SLCO1C1: variants seen among roughly 807,000 people sequenced by gnomAD.
SLCO1C1 encodes solute carrier organic anion transporter family member 1C1.
In SLCO1C1, 70 loss-of-function variants were observed where a neutral mutation model predicts 76.4. That is an observed-to-expected ratio of 0.92 (90% CI 0.76 to 1.12). The LOEUF is 1.12. Ranked by LOEUF, SLCO1C1 falls within the 50% of genes most tolerant of loss-of-function variation. SLCO1C1 has a pLI of 0.00. For synonymous variants in SLCO1C1, 306 were observed against 286.1 expected (o/e 1.07, Z -0.70); for missense variants, 912 against 823.8 (o/e 1.11, Z -1.31).
At position 20,737,211 on chromosome 12, in the gene SLCO1C1, T is replaced by C; in HGVS notation, c.1487T>C (p.Ile496Thr). The C allele has an allele frequency of 6.4e-7, 1 of 1,572,452 alleles. No homozygotes were observed. Among genetic ancestry groups the C allele is most frequent in the Non-Finnish European group, 8.6e-7 (1 of 1,166,098 alleles). ...GAACCCATGTGCGGTGAAAATGGAA[T>C]CACATATGTATCAGCTTGTCTTGCT... is the stretch of plus-strand genomic sequence containing the variant. Reference protein sequence around the residue: ...KWEPMCGENGITYVSACLAGC... With the variant: ...KWEPMCGENGTTYVSACLAGC... The change falls in exon 11 of 15, where the codon ATC becomes ACC. Residue 496 changes from isoleucine (I) to threonine (T), a missense_variant. Ile to Thr is a moderately conservative substitution (Grantham distance 89, BLOSUM62 -1). Transcript: ENST00000266509.
At chr12:20,717,682 T>A in intron 7 of SLCO1C1, among the ~76,000 whole-genome samples, 1 of 122,520 alleles carries the variant, frequency 8.2e-6, no homozygotes, top group African/African-American at 3.5e-5. Context: ...TTTTTTTTTT[T>A]TTTTTTTTTT....
rs753074294 is a variant in SLCO1C1 at position 20,743,307 on chromosome 12, G to A, written c.1736G>A (p.Cys579Tyr). 2 of 1,612,230 alleles carry A rather than the reference G, an allele frequency of 1.2e-6. No homozygotes were observed. The highest frequency in any genetic ancestry group is 2.2e-5 in the South Asian group (2 of 90,956). The change falls in exon 13 of 15, where the codon TGC becomes TAC. Residue 579 changes from cysteine (C) to tyrosine (Y), a missense_variant and splice_region_variant. By Grantham distance (194) the Cys-to-Tyr change is radical (BLOSUM62 -2). Coordinates refer to ENST00000266509, the MANE Select transcript of SLCO1C1 (RefSeq NM_017435.5). ...AATGGTGCTTTTGTTGATTTTAGGT[G>A]CATTAAGCCACAGCTTAAGTCTTTT... The part of the protein sequence containing the change: ...GIPGYILLLR[C>Y]IKPQLKSFAL...
chr12:20,743,728 A>G (rs561933483), intron 13 of SLCO1C1, among the ~76,000 whole-genome samples: 932 of 54,296 alleles, frequency 0.017, 9 homozygotes, highest in African/African-American at 0.028. Context: ...AAGCCTAAAT[A>G]TATTTTTTTT....
At chr12:20,729,000 G>A (rs1773503260) in intron 9 of SLCO1C1, among the ~76,000 whole-genome samples, 2 of 152,118 alleles carry the variant, frequency 1.3e-5, no homozygotes, top group African/African-American at 2.4e-5. Flanking sequence ...AATTTTAGAC[G>A]CTAGTGTAAA....
At chr12:20,713,543 C>T (rs779786504) in intron 5 of SLCO1C1, among the ~76,000 whole-genome samples, 1 of 152,074 alleles carries the variant, frequency 6.6e-6, no homozygotes, top group African/African-American at 2.4e-5. Flanking sequence ...CAATTATTTC[C>T]CTTCCTTCAG....
chr12:20,705,885 C>T, intron 3 of SLCO1C1, 64 bp from the exon 4 acceptor site: 1 of 1,511,858 alleles, frequency 6.6e-7, no homozygotes, highest in Non-Finnish European at 9.1e-7. Flanking sequence ...TACATTCATT[C>T]AGTTATGCTG....
At chr12:20,741,754 A>G (rs549124881) in intron 12 of SLCO1C1, among the ~76,000 whole-genome samples, 1 of 152,146 alleles carries the variant, frequency 6.6e-6, no homozygotes, top group Non-Finnish European at 1.5e-5. Flanking sequence ...TTTTCATTCT[A>G]ATTGAGTTAG....
chr12:20,711,351 G>A (rs1251098738), intron 4 of SLCO1C1, 35 bp from the exon 5 acceptor site: 2 of 1,599,804 alleles, frequency 1.3e-6, no homozygotes, highest in Non-Finnish European at 1.7e-6. Flanking sequence ...TGATGTTAAT[G>A]AGTCTATCAT....
intron 9 of SLCO1C1, among the ~76,000 whole-genome samples, chr12:20,728,188 G>A (rs1353421128): frequency 6.6e-6 from 1 of 152,034 alleles, no homozygotes; most frequent in East Asian, 1.9e-4. Flanking sequence ...GTTAATTTTT[G>A]TATATGATGA....
At chr12:20,701,587 TG>T (rs1946528896) in intron 3 of SLCO1C1, 128 bp downstream of exon 3, 2 of 835,100 alleles carry the variant, frequency 2.4e-6, no homozygotes, top group South Asian at 8.1e-5. Context: ...TTTTTTTTTT[TG>T]GACAGAATTT....
At chr12:20,732,795 ATAG>A in intron 9 of SLCO1C1, 111 bp from the exon 10 acceptor site, 1 of 1,065,174 alleles carries the variant, frequency 9.4e-7, no homozygotes, top group Non-Finnish European at 1.3e-6. Flanking sequence ...TCAGTAGATG[ATAG>A]TGACTATTTC....
intron 2 of SLCO1C1, 151 bp downstream of exon 2, chr12:20,699,856 G>A (rs1308841355): frequency 2.2e-5 from 19 of 868,628 alleles, no homozygotes; most frequent in Middle Eastern, 3.7e-4. Flanking sequence ...CTTGCCAGGC[G>A]GTGCAAGCAA....
At position 20,715,142 on chromosome 12, in the gene SLCO1C1, G is replaced by A; in HGVS notation, c.533G>A (p.Cys178Tyr). 1.2e-6 allele frequency: 2 copies of A among 1,613,798 alleles called. No homozygotes were observed. The highest frequency in any genetic ancestry group is 2.7e-5 in the African/African-American group (2 of 75,030). ...TCTGGTTTGCCTTTCTTTCAAGAAT[G>A]TGAAGTGGACACTAGCTCTTCCATG... ...EKSKSKISNECEVDTSSSMWI... is the reference protein window; with the variant it reads ...EKSKSKISNEYEVDTSSSMWI... The change falls in exon 6 of 15, where the codon TGT becomes TAT. Residue 178 changes from cysteine to tyrosine, a missense_variant. Coordinates refer to ENST00000266509, the MANE Select transcript of SLCO1C1 (RefSeq NM_017435.5).
intron 13 of SLCO1C1, among the ~76,000 whole-genome samples, chr12:20,745,315 G>C (rs556684545): frequency 6.6e-6 from 1 of 152,058 alleles, no homozygotes; most frequent in East Asian, 1.9e-4. Flanking sequence ...GCATACATTG[G>C]TTAAATAAGC....
intron 9 of SLCO1C1, among the ~76,000 whole-genome samples, chr12:20,726,424 C>A (rs968622257): frequency 1.3e-5 from 2 of 152,066 alleles, no homozygotes; most frequent in African/African-American, 4.8e-5. Flanking sequence ...GTTACAACGA[C>A]AACTTAGTCT....
chr12:20,713,197 A>G (rs12296792), intron 5 of SLCO1C1, among the ~76,000 whole-genome samples: 4,034 of 150,230 alleles, frequency 0.027, 121 homozygotes, highest in African/African-American at 0.074. Context: ...CTCCTGCCTC[A>G]GCCTCCCGAG....
At chr12:20,727,578 C>T (rs1296116954) in intron 9 of SLCO1C1, among the ~76,000 whole-genome samples, 1 of 152,188 alleles carries the variant, frequency 6.6e-6, no homozygotes, top group Non-Finnish European at 1.5e-5. Flanking sequence ...GGCGCCATCT[C>T]GGCTCACTGC....
intron 12 of SLCO1C1, among the ~76,000 whole-genome samples, chr12:20,741,509 T>A (rs1217065453): frequency 6.6e-6 from 1 of 152,178 alleles, no homozygotes; most frequent in Non-Finnish European, 1.5e-5. Flanking sequence ...AGTGATTTGA[T>A]AACCAACATC....
At chr12:20,705,807 T>C in intron 3 of SLCO1C1, 142 bp from the exon 4 acceptor site, 1 of 740,056 alleles carries the variant, frequency 1.4e-6, no homozygotes, top group Admixed American at 3.1e-5. Context: ...TCATCTCAGA[T>C]TAAAGGAAAA....
Sources: gnomAD v4.1 joint callset for allele counts (sites outside exome capture counted in the v4.1 genomes callset) on GRCh38, gnomAD v4.1.1 for gene constraint, MANE v1.5 for transcripts, NCBI Gene and HGNC (gene_info 2026-07-23, HGNC 2026-07-21) for gene names.